The following CTNNA2 variants were observed in gnomAD, a reference collection of about 807,000 sequenced individuals.
CTNNA2 encodes catenin alpha-2.
CTNNA2 carries 42 observed loss-of-function variants against 101.0 expected under a neutral mutation model. The ratio of observed to expected loss-of-function variants is 0.42; its 90% CI spans 0.32 to 0.54. The LOEUF is 0.54. Ranked by LOEUF, CTNNA2 falls within the 20% of genes least tolerant of loss-of-function variation. The probability of loss-of-function intolerance (pLI) is 0.14; values close to 1 mark genes in which losing one functional copy is unlikely to be tolerated. For synonymous variants in CTNNA2, 450 were observed against 456.4 expected, an observed-to-expected ratio of 0.99 and a Z score of 0.18; for missense variants, 871 against 1,223.1, an observed-to-expected ratio of 0.71 and a Z score of 4.29.
intron 1 of CTNNA2, among the ~76,000 whole-genome samples, chr2:79,648,202 AC>A (rs1680960618): frequency 6.6e-6 from 1 of 152,142 alleles, no homozygotes; most frequent in South Asian, 2.1e-4. Context: ...GTTAGGAGTC[AC>A]CTTATTGTGT....
intron 7 of CTNNA2, among the ~76,000 whole-genome samples, chr2:80,222,263 T>C (rs527258161): frequency 6.6e-6 from 1 of 152,338 alleles, no homozygotes; most frequent in South Asian, 2.1e-4. Flanking sequence ...ATTCTGCTTA[T>C]ACACAAAGCA....
At chr2:80,127,367 AGAAGAATATGCTAT>A (rs1465438023) in intron 7 of CTNNA2, among the ~76,000 whole-genome samples, 1 of 152,180 alleles carries the variant, frequency 6.6e-6, no homozygotes, top group African/African-American at 2.4e-5. Context: ...CTTTTGGGGC[AGAAGAATATGCTAT>A]GAAGAATAGA....
chr2:79,896,906 G>C (rs182650631), intron 6 of CTNNA2, among the ~76,000 whole-genome samples: 85 of 152,264 alleles, frequency 5.6e-4, no homozygotes, highest in African/African-American at 1.8e-3. Flanking sequence ...TACTGGGGTG[G>C]GGCAATGCAG....
At chr2:79,318,131 A>G (rs1295732267) in intron 3 of CTNNA2, among the ~76,000 whole-genome samples, 1 of 152,120 alleles carries the variant, frequency 6.6e-6, no homozygotes, top group African/African-American at 2.4e-5. Context: ...CCAAATATAA[A>G]TACTTCGATT....
chr2:79,239,022 A>G (rs188324738), intron 2 of CTNNA2, among the ~76,000 whole-genome samples: 60 of 152,270 alleles, frequency 3.9e-4, no homozygotes, highest in African/African-American at 1.4e-3. Context: ...ACATAGGTAA[A>G]CATGTGCTAT....
At chr2:79,250,246 T>C (rs62156571) in intron 2 of CTNNA2, among the ~76,000 whole-genome samples, 808 of 44,710 alleles carry the variant, frequency 0.018, 3 homozygotes, top group Non-Finnish European at 0.022. Context: ...GGCATTTCTA[T>C]TGTTCAACAA....
intron 2 of CTNNA2, among the ~76,000 whole-genome samples, chr2:79,302,223 C>T (rs1676129832): frequency 6.6e-6 from 1 of 152,112 alleles, no homozygotes; most frequent in African/African-American, 2.4e-5. Flanking sequence ...GATAACAATG[C>T]CTACCTCTCA....
At chr2:79,935,350 C>T (rs1256920138) in intron 7 of CTNNA2, among the ~76,000 whole-genome samples, 1 of 133,580 alleles carries the variant, frequency 7.5e-6, no homozygotes, top group African/African-American at 2.8e-5. Context: ...TTCTCTCTCT[C>T]TCTTTTTTTT....
At position 80,520,549 on chromosome 2, in the gene CTNNA2, G is replaced by C. The variant is rs1278329561; in HGVS notation, c.1291-24433G>C. ...GCTAGCATGGTCGGGTTCTGATGAG[G>C]GCCTTTTTCCGGAGTTGCAGGTGGC... On this transcript the variant is annotated intron_variant, in intron 9 of 18. Coordinates refer to ENST00000402739, the MANE Select transcript of CTNNA2 (RefSeq NM_001282597.3). 2.0e-5 allele frequency among the ~76,000 whole-genome samples: 3 copies of C among 152,192 alleles called. No homozygotes were observed. The East Asian group carries it at 5.8e-4, about 30-fold the overall frequency.
At chr2:80,606,174 G>A (rs915641789) in intron 16 of CTNNA2, among the ~76,000 whole-genome samples, 6 of 151,818 alleles carry the variant, frequency 4.0e-5, no homozygotes, top group African/African-American at 1.2e-4. Context: ...GTGAAAATGA[G>A]CGGAGTTTGA....
intron 4 of CTNNA2, among the ~76,000 whole-genome samples, chr2:79,452,233 A>G (rs552254874): frequency 7.9e-5 from 12 of 152,198 alleles, no homozygotes; most frequent in African/African-American, 2.6e-4. Flanking sequence ...TTGAGACACA[A>G]GTTTCACATC....
At chr2:79,585,667 G>C (rs1260687354) in intron 1 of CTNNA2, among the ~76,000 whole-genome samples, 3 of 152,080 alleles carry the variant, frequency 2.0e-5, no homozygotes, top group Non-Finnish European at 2.9e-5. Context: ...CATTTGCACA[G>C]TGTGTGCCCT....
At chr2:80,366,555 G>T (rs893163902) in intron 7 of CTNNA2, among the ~76,000 whole-genome samples, 4 of 152,128 alleles carry the variant, frequency 2.6e-5, no homozygotes, top group Admixed American at 2.6e-4. Flanking sequence ...GCCGATGAAG[G>T]CTGTCACATG....
chr2:79,410,208 C>T (rs1678393061), intron 4 of CTNNA2, among the ~76,000 whole-genome samples: 1 of 145,904 alleles, frequency 6.9e-6, no homozygotes, highest in African/African-American at 2.6e-5. Context: ...TGGGCTGAGA[C>T]AATGGGGTTT....
chr2:80,003,088 TAGC>T lies in CTNNA2; in HGVS notation c.1056+93313_1056+93315del, dbSNP rs535834167. Among the ~76,000 whole-genome samples, 53 of 152,088 alleles carry T rather than the reference TAGC, an allele frequency of 3.5e-4. No homozygotes were observed. The East Asian group carries it at 8.3e-3, about 24-fold the overall frequency. Reference sequence around the variant, plus strand: ...GTGATGATAGGAGTGGTGGTGCTTCTAGCAGCAGCAGCAGCAGCAGCAGCCTGT... The same window carrying T: ...GTGATGATAGGAGTGGTGGTGCTTCTAGCAGCAGCAGCAGCAGCAGCCTGT... On this transcript the variant is annotated intron_variant, in intron 7 of 18. Transcript: ENST00000402739.
At chr2:79,885,980 G>T (rs1314648796) in intron 6 of CTNNA2, among the ~76,000 whole-genome samples, 1 of 152,214 alleles carries the variant, frequency 6.6e-6, no homozygotes, top group African/African-American at 2.4e-5. Flanking sequence ...AGATAGCTAA[G>T]ATCATTCATT....
At chr2:80,214,668 T>A (rs1708138839) in intron 7 of CTNNA2, among the ~76,000 whole-genome samples, 2 of 152,136 alleles carry the variant, frequency 1.3e-5, no homozygotes, top group South Asian at 4.1e-4. Context: ...TAACCCGACC[T>A]CTCTCTCTGG....
At position 80,568,566 on chromosome 2, in the gene CTNNA2, CGTGTGTGT is replaced by C. The variant is rs36104924; in HGVS notation, c.1742-5573_1742-5566del. On this transcript the variant is annotated intron_variant, in intron 12 of 18. Coordinates refer to ENST00000402739, the MANE Select transcript of CTNNA2 (RefSeq NM_001282597.3). ...GTATACTGAGTGCTATAATGGTGTG[CGTGTGTGT>C]GTGTGTGTGTGTGTGTGTGTGTGAG... is the stretch of plus-strand genomic sequence containing the variant. 4.6e-4 allele frequency among the ~76,000 whole-genome samples: 69 copies of C among 149,422 alleles called. 1 individual carries two copies. Among genetic ancestry groups the C allele is most frequent in the East Asian group, 1.4e-3 (7 of 5,012 alleles).
At chr2:80,405,604 C>G (rs1678981345) in intron 8 of CTNNA2, among the ~76,000 whole-genome samples, 1 of 152,120 alleles carries the variant, frequency 6.6e-6, no homozygotes, top group African/African-American at 2.4e-5. Flanking sequence ...AGAAACTGAA[C>G]TGTGAATGGG....
Sources: gnomAD v4.1 joint callset for allele counts (sites outside exome capture counted in the v4.1 genomes callset) on GRCh38, gnomAD v4.1.1 for gene constraint, MANE v1.5 for transcripts, NCBI Gene and HGNC (gene_info 2026-07-23, HGNC 2026-07-21) for gene names.